The following PBX3 variants were observed in gnomAD, a reference collection of about 807,000 sequenced individuals.
The protein encoded by PBX3 is pre-B-cell leukemia transcription factor 3.
PBX3 carries 14 observed loss-of-function variants against 48.5 expected under a neutral mutation model. The ratio of observed to expected loss-of-function variants is 0.29; its 90% CI spans 0.19 to 0.45. The LOEUF is 0.45. PBX3 is among the 20% of genes least tolerant of loss of function. The pLI is 1.00. For missense variants in PBX3, 386 were observed against 546.7 expected, an observed-to-expected ratio of 0.71 and a Z score of 2.93; for synonymous variants, 210 against 200.3, an observed-to-expected ratio of 1.05 and a Z score of -0.41.
chr9:125,818,579 C>A (rs1838549623), intron 2 of PBX3, among the ~76,000 whole-genome samples: 1 of 152,048 alleles, frequency 6.6e-6, no homozygotes, highest in Non-Finnish European at 1.5e-5. Flanking sequence ...AAACTCCTGA[C>A]CCCAAGTGAT....
chr9:125,904,066 A>C (rs1489871743), intron 2 of PBX3, among the ~76,000 whole-genome samples: 1 of 151,924 alleles, frequency 6.6e-6, no homozygotes, highest in Non-Finnish European at 1.5e-5. Context: ...GTGAGGTCTT[A>C]TTATTAACCT....
chr9:125,806,964 A>G (rs191510839), intron 2 of PBX3, among the ~76,000 whole-genome samples: 1 of 152,362 alleles, frequency 6.6e-6, no homozygotes, highest in East Asian at 1.9e-4. Context: ...CCTAGGGGAC[A>G]CCATAAACCT....
chr9:125,928,252 G>A (rs1320876051), intron 3 of PBX3, among the ~76,000 whole-genome samples: 1 of 151,882 alleles, frequency 6.6e-6, no homozygotes, highest in Admixed American at 6.6e-5. Context: ...GGTGGCACAT[G>A]CCTGTCGTCA....
intron 2 of PBX3, among the ~76,000 whole-genome samples, chr9:125,872,784 A>G (rs1840157515): frequency 6.6e-6 from 1 of 151,600 alleles, no homozygotes; most frequent in Non-Finnish European, 1.5e-5. Flanking sequence ...AAATATAATA[A>G]TAAACATTTC....
At chr9:125,779,511 AC>A (rs1837180459) in intron 2 of PBX3, among the ~76,000 whole-genome samples, 2 of 114,316 alleles carry the variant, frequency 1.7e-5, no homozygotes, top group African/African-American at 7.3e-5. Context: ...CACATCTTGC[AC>A]CGCCCTTAAT....
At chr9:125,827,080 C>T (rs1293299733) in intron 2 of PBX3, among the ~76,000 whole-genome samples, 1 of 152,142 alleles carries the variant, frequency 6.6e-6, no homozygotes, top group Non-Finnish European at 1.5e-5. Flanking sequence ...TATTCTCTAC[C>T]TCTGTGTGAT....
At chr9:125,922,086 C>T (rs1319599265) in intron 3 of PBX3, among the ~76,000 whole-genome samples, 2 of 152,040 alleles carry the variant, frequency 1.3e-5, no homozygotes, top group East Asian at 1.9e-4. Context: ...AGCCCCACCA[C>T]AAAATAAAGA....
intron 2 of PBX3, among the ~76,000 whole-genome samples, chr9:125,825,053 G>A (rs1471877435): frequency 6.6e-6 from 1 of 152,178 alleles, no homozygotes; most frequent in Non-Finnish European, 1.5e-5. Flanking sequence ...GGGAGGCTGA[G>A]GCAGTGGATC....
rs150567214 is a variant in PBX3, at chr9:125,807,129, C to A, written c.274+58506C>A. ...CTTGAGGCCAGGAGTTTGAGACCAG[C>A]CTGGCCAACATGGCACAACCCCATC... is the stretch of plus-strand genomic sequence containing the variant. On this transcript the variant is annotated intron_variant, in intron 2 of 8. Coordinates refer to ENST00000373489, the MANE Select transcript of PBX3 (RefSeq NM_006195.6). 6.6e-5 allele frequency among the ~76,000 whole-genome samples: 10 copies of A among 152,326 alleles called. No individual in the cohort carries two copies. In the East Asian group the frequency reaches 1.9e-3, roughly 29 times the overall value.
chr9:125,802,935 T>TC (rs1838006759), intron 2 of PBX3, among the ~76,000 whole-genome samples: 1 of 152,082 alleles, frequency 6.6e-6, no homozygotes, highest in Non-Finnish European at 1.5e-5. Context: ...CGCCTCGGCC[T>TC]CCCAAAGTGC....
At chr9:125,793,365 AAATATAT>A (rs968744143) in intron 2 of PBX3, among the ~76,000 whole-genome samples, 12 of 95,574 alleles carry the variant, frequency 1.3e-4, no homozygotes, top group African/African-American at 3.5e-4. Context: ...GGGAAAAAAA[AAATATAT>A]ATATATATAT....
intron 2 of PBX3, among the ~76,000 whole-genome samples, chr9:125,870,375 C>T (rs760602628): frequency 6.6e-6 from 1 of 152,072 alleles, no homozygotes; most frequent in Non-Finnish European, 1.5e-5. Flanking sequence ...AGCTGAAAGA[C>T]TCATCTTACA....
chr9:125,748,424 C>G, intron 1 of PBX3, 126 bp from the exon 2 acceptor site: 6 of 1,459,582 alleles, frequency 4.1e-6, no homozygotes, highest in Non-Finnish European at 5.5e-6. Flanking sequence ...TGTTGACTTC[C>G]CACGGTTCAA....
At chr9:125,899,227 ATTTATATATAAATATACATAT>A (rs1244012429) in intron 2 of PBX3, among the ~76,000 whole-genome samples, 41 of 117,058 alleles carry the variant, frequency 3.5e-4, no homozygotes, top group African/African-American at 1.2e-3. Flanking sequence ...ATGTATATAT[ATTTATATATAAATATACATAT>A]GTATATATAT....
chr9:125,945,318 A>G (rs992453126), intron 5 of PBX3, among the ~76,000 whole-genome samples: 1 of 152,144 alleles, frequency 6.6e-6, no homozygotes, highest in African/African-American at 2.4e-5. Flanking sequence ...AGTGCCTATC[A>G]CAGAGTAAGT....
At chr9:125,813,258 T>G (rs937492322) in intron 2 of PBX3, among the ~76,000 whole-genome samples, 1 of 135,248 alleles carries the variant, frequency 7.4e-6, no homozygotes, top group Non-Finnish European at 1.5e-5. Context: ...TTTTTATTAA[T>G]TTTTTTTACT....
intron 5 of PBX3, among the ~76,000 whole-genome samples, chr9:125,938,422 C>T (rs567759518): frequency 2.0e-5 from 3 of 152,128 alleles, no homozygotes; most frequent in African/African-American, 7.2e-5. Context: ...AGATGAAGAA[C>T]ATGGTCTTAA....
intron 2 of PBX3, among the ~76,000 whole-genome samples, chr9:125,781,056 G>C: frequency 7.2e-6 from 1 of 139,748 alleles, no homozygotes; most frequent in African/African-American, 2.8e-5. Context: ...AGGCAGAGGG[G>C]CTCCTCACGT....
intron 2 of PBX3, among the ~76,000 whole-genome samples, chr9:125,819,632 G>C (rs1838588684): frequency 6.6e-6 from 1 of 152,116 alleles, no homozygotes; most frequent in Non-Finnish European, 1.5e-5. Context: ...TGTAAGAAGA[G>C]GGTTTAGATA....
Sources: gnomAD v4.1 joint callset for allele counts (sites outside exome capture counted in the v4.1 genomes callset) on GRCh38, gnomAD v4.1.1 for gene constraint, MANE v1.5 for transcripts, NCBI Gene and HGNC (gene_info 2026-07-23, HGNC 2026-07-21) for gene names.